TAS2R1: variants seen among roughly 807,000 people sequenced by gnomAD.
The protein encoded by TAS2R1 is taste receptor type 2 member 1.
For synonymous variants in TAS2R1, 141 were observed against 134.2 expected, an observed-to-expected ratio of 1.05 and a Z score of -0.35; for missense variants, 370 against 353.4, an observed-to-expected ratio of 1.05 and a Z score of -0.38.
chr5:9,675,701 C>T (rs1370489828), intron 1 of TAS2R1, among the ~76,000 whole-genome samples: 7 of 152,134 alleles, frequency 4.6e-5, no homozygotes, highest in African/African-American at 1.7e-4. Flanking sequence ...AGGCATGAGC[C>T]ACCATGCCCT....
the TAS2R1 span, among the ~76,000 whole-genome samples, chr5:9,773,014 T>C: frequency 6.6e-6 from 1 of 152,120 alleles, no homozygotes; most frequent in Non-Finnish European, 1.5e-5. Context: ...CCAATGTTAT[T>C]ATTGATAAGT....
chr5:9,729,757 T>A, the TAS2R1 span, among the ~76,000 whole-genome samples: 1 of 152,168 alleles, frequency 6.6e-6, no homozygotes, highest in African/African-American at 2.4e-5. Flanking sequence ...AACGACTTAA[T>A]TGACAGAAAC....
intron 1 of TAS2R1, among the ~76,000 whole-genome samples, chr5:9,688,931 C>G (rs1741181373): frequency 6.6e-6 from 1 of 152,098 alleles, no homozygotes; most frequent in Non-Finnish European, 1.5e-5. Context: ...TGGTATTGGC[C>G]AGAAATTGCC....
At chr5:9,812,885 A>G in the TAS2R1 span, among the ~76,000 whole-genome samples, 1 of 152,172 alleles carries the variant, frequency 6.6e-6, no homozygotes, top group Non-Finnish European at 1.5e-5. Context: ...AGGAAAAGCT[A>G]CATTTCTTAA....
At chr5:9,717,247 T>G (rs898419835), upstream of TAS2R1, among the ~76,000 whole-genome samples, 2 of 152,140 alleles carry the variant, frequency 1.3e-5, no homozygotes, top group African/African-American at 4.8e-5. Context: ...CAGAACATAC[T>G]ACTTGTGGGG....
At chr5:9,685,055 T>G (rs1230997071) in intron 1 of TAS2R1, among the ~76,000 whole-genome samples, 3 of 152,162 alleles carry the variant, frequency 2.0e-5, no homozygotes, top group Non-Finnish European at 4.4e-5. Flanking sequence ...AGTCAGTATT[T>G]GTTGATGGAG....
chr5:9,670,683 T>A (rs901185623), intron 1 of TAS2R1, among the ~76,000 whole-genome samples: 2 of 152,144 alleles, frequency 1.3e-5, no homozygotes, highest in African/African-American at 4.8e-5. Context: ...TAGAACCAGA[T>A]GGATTCACAG....
chr5:9,690,863 T>C (rs1741235676), intron 1 of TAS2R1, among the ~76,000 whole-genome samples: 1 of 152,056 alleles, frequency 6.6e-6, no homozygotes, highest in African/African-American at 2.4e-5. Flanking sequence ...AGAGAGGTCA[T>C]TAAAAACAAA....
the TAS2R1 span, among the ~76,000 whole-genome samples, chr5:9,900,977 C>A: frequency 6.6e-6 from 1 of 152,122 alleles, no homozygotes; most frequent in Non-Finnish European, 1.5e-5. Context: ...GTCTGAGAAG[C>A]GTGTCTCTGT....
At chr5:9,726,410 A>G in the TAS2R1 span, among the ~76,000 whole-genome samples, 1 of 152,142 alleles carries the variant, frequency 6.6e-6, no homozygotes, top group Non-Finnish European at 1.5e-5. Context: ...CAGATAAGAG[A>G]ATAAAAGCAG....
At chr5:9,837,386 G>A in the TAS2R1 span, among the ~76,000 whole-genome samples, 36 of 152,302 alleles carry the variant, frequency 2.4e-4, 1 homozygote, top group South Asian at 7.5e-3. Context: ...ATTTACCATG[G>A]GGACAGCAAG....
chr5:9,782,020 C>T, the TAS2R1 span, among the ~76,000 whole-genome samples: 1 of 152,212 alleles, frequency 6.6e-6, no homozygotes, highest in Non-Finnish European at 1.5e-5. Flanking sequence ...AGAATAGCAT[C>T]TGGCTCAAGC....
intron 1 of TAS2R1, among the ~76,000 whole-genome samples, chr5:9,665,443 G>C (rs904033752): frequency 2.0e-5 from 3 of 152,236 alleles, no homozygotes; most frequent in African/African-American, 7.2e-5. Flanking sequence ...ATTGGGGTGT[G>C]GAATGTTCTT....
intron 1 of TAS2R1, among the ~76,000 whole-genome samples, chr5:9,708,852 C>A (rs1043646106): frequency 1.3e-5 from 2 of 152,132 alleles, no homozygotes; most frequent in Non-Finnish European, 2.9e-5. Context: ...AGCAGTATCT[C>A]CAAACACCCA....
the TAS2R1 span, among the ~76,000 whole-genome samples, chr5:9,862,341 C>T: frequency 1.3e-5 from 2 of 152,254 alleles, no homozygotes; most frequent in Non-Finnish European, 2.9e-5. Context: ...AGACGTAAGC[C>T]TGGCATGAAG....
chr5:9,719,933 A>AC, the TAS2R1 span, among the ~76,000 whole-genome samples: 1 of 133,688 alleles, frequency 7.5e-6, no homozygotes, highest in South Asian at 2.3e-4. Flanking sequence ...AAAAAAAAAA[A>AC]AAAAACAAAA....
rs35524938 is a variant in TAS2R1, at chr5:9,628,128, TTATCTATCTATCTATC to T, written c.*989_*1004del. ...ATACAAGTATATCTATCTCCATAAT[TTATCTATCTATCTATC>T]TATCTATCTATCTATCTATCTATCT... On this transcript the variant is annotated 3_prime_UTR_variant, in exon 1 of 1. Coordinates refer to ENST00000382492, the MANE Select transcript of TAS2R1 (RefSeq NM_019599.3). Among the ~76,000 whole-genome samples, 68 of 146,598 alleles carry T rather than the reference TTATCTATCTATCTATC, an allele frequency of 4.6e-4. No homozygotes were observed. The highest frequency in any genetic ancestry group is 8.1e-4 in the African/African-American group (32 of 39,432).
At chr5:9,759,524 A>C in the TAS2R1 span, among the ~76,000 whole-genome samples, 1 of 152,234 alleles carries the variant, frequency 6.6e-6, no homozygotes, top group Non-Finnish European at 1.5e-5. Flanking sequence ...ATTTTAAATA[A>C]TATCCATATT....
the TAS2R1 span, among the ~76,000 whole-genome samples, chr5:9,869,012 A>G: frequency 6.6e-6 from 1 of 152,174 alleles, no homozygotes; most frequent in African/African-American, 2.4e-5. Context: ...ATAAGTCTCT[A>G]GGAAGTTCAA....
Sources: allele counts gnomAD v4.1 joint callset (sites outside exome capture counted in the v4.1 genomes callset), GRCh38; gene constraint gnomAD v4.1.1; transcripts MANE v1.5; gene names NCBI Gene and HGNC (gene_info 2026-07-23, HGNC 2026-07-21).